Variants in MXD1 observed in about 807,000 individuals in gnomAD.
The protein encoded by MXD1 is MAX-binding protein.
In MXD1, 9 loss-of-function variants were observed where a neutral mutation model predicts 25.7. The observed-to-expected ratio is 0.35, with a 90% CI of 0.21 to 0.61. MXD1 has a LOEUF of 0.61. Ranked by LOEUF, MXD1 falls within the 20% of genes least tolerant of loss-of-function variation. MXD1 has a pLI of 0.75. For synonymous variants in MXD1, 99 were observed against 113.9 expected (o/e 0.87, Z 0.83); for missense variants, 227 against 292.4 (o/e 0.78, Z 1.63).
intron 1 of MXD1, 76 bp from the exon 2 acceptor site, chr2:69,916,045 A>T: frequency 1.3e-6 from 1 of 789,896 alleles, no homozygotes; most frequent in East Asian, 2.6e-5. Context: ...AATAAAGGAA[A>T]AAGGAAATAC....
chr2:69,924,666 A>G (rs1159190393), intron 3 of MXD1, among the ~76,000 whole-genome samples: 1 of 152,170 alleles, frequency 6.6e-6, no homozygotes, highest in African/African-American at 2.4e-5. Context: ...TTACCTGATA[A>G]CATTGCATAA....
At chr2:69,935,010 A>G (rs1015642455) in intron 3 of MXD1, among the ~76,000 whole-genome samples, 2 of 152,248 alleles carry the variant, frequency 1.3e-5, no homozygotes, top group African/African-American at 2.4e-5. Flanking sequence ...CAATAAACTC[A>G]TTATAAATTT....
chr2:69,916,489 A>T (rs1303264857), intron 2 of MXD1: 1 of 267,214 alleles, frequency 3.7e-6, no homozygotes, highest in Non-Finnish European at 7.1e-6. Context: ...GGAACAAAAA[A>T]ATCTGTGGAA....
chr2:69,936,977 G>C (rs767127646), intron 4 of MXD1: 3 of 599,216 alleles, frequency 5.0e-6, no homozygotes, highest in Non-Finnish European at 9.7e-6. Flanking sequence ...GGCTACCAGG[G>C]TGCCAGTATG....
intron 2 of MXD1, among the ~76,000 whole-genome samples, chr2:69,917,227 C>T (rs1448895254): frequency 1.3e-5 from 2 of 152,194 alleles, no homozygotes; most frequent in African/African-American, 4.8e-5. Context: ...GTCTTCTGTA[C>T]TTGGTTTACC....
At position 69,915,372 on chromosome 2, in the gene MXD1, G is replaced by A; in HGVS notation, c.42G>A (p.Glu14=). The change falls in exon 1 of 6, where the codon GAG becomes GAA. Residue 14 remains glutamate (E), a synonymous_variant. Coordinates refer to ENST00000264444, the MANE Select transcript of MXD1 (RefSeq NM_002357.4). The surrounding 1 kb of genome is among the most constrained non-coding windows in gnomAD (Gnocchi z 5.8). ...GGATGAACATCCAGATGCTGCTGGA[G>A]GCGGCCGACTATCTGGAGCGGCGGG... ...AVRMNIQMLL[E]AADYLERRER... 1 of 1,287,608 alleles carries A rather than the reference G, an allele frequency of 7.8e-7. No individual in the cohort carries two copies. Among genetic ancestry groups the A allele is most frequent in the Non-Finnish European group, 9.9e-7 (1 of 1,008,180 alleles). 79.8% of individuals were successfully genotyped at this position (1,287,608 alleles called of 1,614,324 possible). A position where few individuals can be genotyped will look rare whatever the true frequency, so the allele number is the denominator to read the frequency against.
chr2:69,916,064 G>A (rs1204336554), intron 1 of MXD1, 57 bp from the exon 2 acceptor site: 1 of 905,678 alleles, frequency 1.1e-6, no homozygotes, highest in African/African-American at 1.6e-5. Flanking sequence ...ACTGTAGAGA[G>A]GAGAGAGCAT....
intron 2 of MXD1, among the ~76,000 whole-genome samples, chr2:69,920,372 T>TA: frequency 6.6e-6 from 1 of 152,338 alleles, no homozygotes; most frequent in Middle Eastern, 3.4e-3. Context: ...ATTCTAAACT[T>TA]AAAATACTGT....
intron 5 of MXD1, 68 bp downstream of exon 5, chr2:69,937,462 T>G: frequency 1.4e-6 from 2 of 1,432,542 alleles, no homozygotes; most frequent in Non-Finnish European, 1.9e-6. Flanking sequence ...GGTTCAGTAC[T>G]GCGGACAGGA....
rs975308417 is a variant in MXD1, at chr2:69,939,089, C to T, written c.*805C>T. The T allele has an allele frequency of 6.6e-6, 1 of 152,490 alleles. No individual in the cohort carries two copies. The highest frequency in any genetic ancestry group is 2.4e-5 in the African/African-American group (1 of 41,392). The allele number at this position is 152,490 out of a possible 1,614,324, so 9.4% of individuals were successfully genotyped here. ...GTCTCTGGAACATTTTTTTTTCCTA[C>T]CTCAGAGATAAATGAGATCTCCATT... On this transcript the variant is annotated 3_prime_UTR_variant, in exon 6 of 6. Coordinates refer to ENST00000264444, the MANE Select transcript of MXD1 (RefSeq NM_002357.4).
At chr2:69,922,045 A>T (rs896319501) in intron 3 of MXD1, among the ~76,000 whole-genome samples, 1 of 152,226 alleles carries the variant, frequency 6.6e-6, no homozygotes, top group Non-Finnish European at 1.5e-5. Context: ...GTCAGAGGCA[A>T]CATTTCCACA....
chr2:69,928,987 A>G (rs1432814521), intron 3 of MXD1, among the ~76,000 whole-genome samples: 1 of 152,124 alleles, frequency 6.6e-6, no homozygotes, highest in Non-Finnish European at 1.5e-5. Context: ...TCTGCCTCCC[A>G]GGTTCAAGCG....
Position 69,940,116 on chromosome 2 carries a change from T to C in MXD1, c.*1832T>C, listed in dbSNP as rs992375749. The C allele has an allele frequency of 3.4e-4, 41 of 119,854 alleles. No individual in the cohort carries two copies. The highest frequency in any genetic ancestry group is 1.2e-3 in the African/African-American group (38 of 32,608). The allele number at this position is 119,854 out of a possible 1,614,324, so 7.4% of individuals were successfully genotyped here. On this transcript the variant is annotated 3_prime_UTR_variant, in exon 6 of 6. Transcript: ENST00000264444. ...TTCTGTCTTTTCTTCATTTTGGCTT[T>C]GGGTGGGGGGAGGGGCAGGTGACAC...
Position 69,938,268 on chromosome 2 carries a change from C to T in MXD1, c.650C>T (p.Ala217Val), listed in dbSNP as rs765516764. ...ATAAAGCTGCAGGACAGTCACAAGGCGTGTCTTGGTCTCTAAGAGAGTGGG... is the reference window on the plus strand; with the variant it reads ...ATAAAGCTGCAGGACAGTCACAAGGTGTGTCTTGGTCTCTAAGAGAGTGGG... Reference protein sequence around the residue: ...KRIKLQDSHKACLGL With the variant: ...KRIKLQDSHKVCLGL The change falls in exon 6 of 6, where the codon GCG becomes GTG. Residue 217 changes from alanine to valine, a missense_variant. Coordinates refer to ENST00000264444, the MANE Select transcript of MXD1 (RefSeq NM_002357.4). 3.3e-5 allele frequency: 53 copies of T among 1,613,958 alleles called. No homozygotes were observed. Among genetic ancestry groups the T allele is most frequent in the South Asian group, 1.3e-4 (12 of 91,086 alleles).
rs780609298 is a variant in MXD1, at chr2:69,935,443, C to T, written c.296C>T (p.Thr99Ile). ...SSRHTTLSLLTKAKLHIKKLE... is the reference protein window; with the variant it reads ...SSRHTTLSLLIKAKLHIKKLE... ...CGACACACTACGTTGAGTTTATTAA[C>T]AAAAGCCAAATTGCACATAAAGGTA... Residue 99 changes from threonine (T) to isoleucine (I), a missense_variant, in exon 4 of 6, where the codon ACA becomes ATA. Physicochemically the swap from Thr to Ile is moderately conservative, Grantham distance 89. Coordinates refer to ENST00000264444, the MANE Select transcript of MXD1 (RefSeq NM_002357.4). 6.2e-7 allele frequency: 1 copy of T among 1,613,394 alleles called. No homozygotes were observed. The highest frequency in any genetic ancestry group is 1.1e-5 in the South Asian group (1 of 91,066).
chr2:69,940,620 A>G lies in MXD1; in HGVS notation c.*2336A>G, dbSNP rs1434844693. 3 of 152,652 alleles carry G rather than the reference A, an allele frequency of 2.0e-5. No homozygotes were observed. The highest frequency in any genetic ancestry group is 4.4e-5 in the Non-Finnish European group (3 of 68,046). The allele number at this position is 152,652 out of a possible 1,614,324, so 9.5% of individuals were successfully genotyped here. A position where few individuals can be genotyped will look rare whatever the true frequency, so the allele number is the denominator to read the frequency against. The stretch of plus-strand genomic sequence containing the variant: ...TTGAAATCTGAAATGTACTGTCCCA[A>G]TATAAAACAGTAATTATTTGACCTT... On this transcript the variant is annotated 3_prime_UTR_variant, in exon 6 of 6. Coordinates refer to ENST00000264444, the MANE Select transcript of MXD1 (RefSeq NM_002357.4).
Position 69,939,271 on chromosome 2 carries a change from C to A in MXD1, c.*987C>A, listed in dbSNP as rs544269758. 6.5e-6 allele frequency: 1 copy of A among 152,752 alleles called. No homozygotes were observed. Among genetic ancestry groups the A allele is most frequent in the African/African-American group, 2.4e-5 (1 of 41,576 alleles). The allele number at this position is 152,752 out of a possible 1,614,324, so 9.5% of individuals were successfully genotyped here. ...TCAGTGAAAGAAAAAGTCCACATTT[C>A]TACTCTCTGTTGCAGGTGAACAGGA... On this transcript the variant is annotated 3_prime_UTR_variant, in exon 6 of 6. Coordinates refer to ENST00000264444, the MANE Select transcript of MXD1 (RefSeq NM_002357.4).
chr2:69,937,773 C>G (rs1483158665), intron 5 of MXD1, among the ~76,000 whole-genome samples: 1 of 152,196 alleles, frequency 6.6e-6, no homozygotes, highest in African/African-American at 2.4e-5. Context: ...CACCACAATG[C>G]CTGGCAAATT....
intron 4 of MXD1, chr2:69,936,874 T>C (rs925074581): frequency 3.0e-5 from 13 of 429,988 alleles, no homozygotes; most frequent in Non-Finnish European, 5.2e-5. Flanking sequence ...TGCAGTTTTC[T>C]AGTCCGGAGA....
Sources: gnomAD v4.1 joint callset for allele counts (sites outside exome capture counted in the v4.1 genomes callset) on GRCh38, gnomAD v4.1.1 for gene constraint, Gnocchi (gnomAD v3.1) non-coding constraint, MANE v1.5 for transcripts, NCBI Gene and HGNC (gene_info 2026-07-23, HGNC 2026-07-21) for gene names.